The following FAM171A1 variants were observed in gnomAD, a reference collection of about 807,000 sequenced individuals.
FAM171A1 encodes the protein protein FAM171A1.
In FAM171A1, 23 loss-of-function variants were observed where a neutral mutation model predicts 74.9. The observed-to-expected ratio is 0.31, with a 90% CI of 0.22 to 0.44. FAM171A1 has a LOEUF of 0.44. FAM171A1 is among the 20% of genes least tolerant of loss of function. FAM171A1 has a pLI of 1.00. For synonymous variants in FAM171A1, 527 were observed against 505.7 expected, an observed-to-expected ratio of 1.04 and a Z score of -0.57; for missense variants, 1,162 against 1,159.2, an observed-to-expected ratio of 1.00 and a Z score of -0.03.
chr10:15,355,343 G>A (rs930070473), intron 1 of FAM171A1, among the ~76,000 whole-genome samples: 2 of 152,180 alleles, frequency 1.3e-5, no homozygotes, highest in African/African-American at 4.8e-5. Context: ...CCAAGGTATT[G>A]GGACTACAGG....
At chr10:15,242,928 G>A (rs1160903730) in intron 5 of FAM171A1, among the ~76,000 whole-genome samples, 1 of 152,160 alleles carries the variant, frequency 6.6e-6, no homozygotes, top group Non-Finnish European at 1.5e-5. Context: ...ACACACCTCT[G>A]TTTTCACCAA....
intron 1 of FAM171A1, among the ~76,000 whole-genome samples, chr10:15,339,261 A>C (rs1190134715): frequency 6.6e-6 from 1 of 152,232 alleles, no homozygotes; most frequent in Non-Finnish European, 1.5e-5. Context: ...TTAGTGAACC[A>C]ATATGGATGT....
intron 3 of FAM171A1, among the ~76,000 whole-genome samples, chr10:15,262,217 A>G (rs1233011585): frequency 6.6e-6 from 1 of 152,182 alleles, no homozygotes; most frequent in Non-Finnish European, 1.5e-5. Context: ...TTTTTGCCCA[A>G]TTCTGACAGC....
chr10:15,254,628 A>T, intron 4 of FAM171A1, 93 bp downstream of exon 4: 1 of 1,400,118 alleles, frequency 7.1e-7, no homozygotes, highest in Non-Finnish European at 9.8e-7. Context: ...CCTTTCTCCC[A>T]CATAGTGCTA....
At chr10:15,327,036 C>G (rs953395942) in intron 1 of FAM171A1, among the ~76,000 whole-genome samples, 1 of 152,184 alleles carries the variant, frequency 6.6e-6, no homozygotes, top group African/African-American at 2.4e-5. Context: ...TCTTTCCTCC[C>G]TCAAGTACTG....
intron 1 of FAM171A1, among the ~76,000 whole-genome samples, chr10:15,287,311 C>T (rs1835048592): frequency 6.6e-6 from 1 of 151,324 alleles, no homozygotes; most frequent in Admixed American, 6.6e-5. Flanking sequence ...CCAGGATGGT[C>T]TCCATCTCCT....
chr10:15,284,704 C>T (rs777115528), intron 1 of FAM171A1, among the ~76,000 whole-genome samples: 4 of 152,148 alleles, frequency 2.6e-5, no homozygotes, highest in Non-Finnish European at 4.4e-5. Flanking sequence ...TGTGCCCCAC[C>T]GTGCCCAGAC....
intron 1 of FAM171A1, among the ~76,000 whole-genome samples, chr10:15,315,099 T>C (rs1588549378): frequency 2.0e-5 from 3 of 152,246 alleles, no homozygotes; most frequent in Admixed American, 6.5e-5. Flanking sequence ...AGTCCATCCA[T>C]TTTAATGAAG....
chr10:15,237,001 G>C (rs1208073266), intron 5 of FAM171A1, among the ~76,000 whole-genome samples: 2 of 152,208 alleles, frequency 1.3e-5, no homozygotes, highest in Non-Finnish European at 2.9e-5. Flanking sequence ...GCTGAGGCAG[G>C]AGAACCGCTT....
chr10:15,295,843 C>CTA (rs1835155262), intron 1 of FAM171A1, among the ~76,000 whole-genome samples: 1 of 152,230 alleles, frequency 6.6e-6, no homozygotes, highest in East Asian at 1.9e-4. Flanking sequence ...CTCTCCTTAG[C>CTA]ACCATGATTA....
intron 2 of FAM171A1, among the ~76,000 whole-genome samples, chr10:15,278,604 G>A (rs547319281): frequency 2.8e-4 from 43 of 152,282 alleles, no homozygotes; most frequent in Middle Eastern, 3.4e-3. Context: ...GTGCTACAAC[G>A]TGGATGAATC....
chr10:15,257,650 C>T (rs1203992966), intron 3 of FAM171A1, among the ~76,000 whole-genome samples: 1 of 151,980 alleles, frequency 6.6e-6, no homozygotes, highest in Non-Finnish European at 1.5e-5. Flanking sequence ...AAGGATATGG[C>T]CGGTGCAGCT....
At chr10:15,363,322 AG>A (rs1034871016) in intron 1 of FAM171A1, among the ~76,000 whole-genome samples, 2 of 152,226 alleles carry the variant, frequency 1.3e-5, no homozygotes, top group African/African-American at 4.8e-5. Context: ...AACATGGAAG[AG>A]GGTTTTGAGT....
upstream of FAM171A1, among the ~76,000 whole-genome samples, chr10:15,372,698 C>CAAAAAAAAAAAAAAAAAAAAAAA (rs59712649): frequency 1.1e-5 from 1 of 88,736 alleles, no homozygotes; most frequent in Non-Finnish European, 2.1e-5. Context: ...GACCCCGTCT[C>CAAAAAAAAAAAAAAAAAAAAAAA]AAAAAAAAAA....
At chr10:15,324,922 G>A (rs753156353) in intron 1 of FAM171A1, among the ~76,000 whole-genome samples, 1 of 152,156 alleles carries the variant, frequency 6.6e-6, no homozygotes, top group Admixed American at 6.6e-5. Flanking sequence ...GCAGTGACTC[G>A]TTACAGCCAG....
intron 3 of FAM171A1, among the ~76,000 whole-genome samples, chr10:15,272,006 T>C (rs1427280674): frequency 2.0e-5 from 3 of 152,172 alleles, no homozygotes; most frequent in Admixed American, 6.5e-5. Context: ...GCTAACATCA[T>C]AATGACAGGA....
upstream of FAM171A1, among the ~76,000 whole-genome samples, chr10:15,372,644 A>G (rs1303896406): frequency 7.1e-6 from 1 of 140,598 alleles, no homozygotes; most frequent in Non-Finnish European, 1.5e-5. Context: ...GGTTGCAGTG[A>G]GCCAAGATCG....
chr10:15,325,537 T>A (rs1223257292), intron 1 of FAM171A1, among the ~76,000 whole-genome samples: 2 of 152,102 alleles, frequency 1.3e-5, no homozygotes, highest in African/African-American at 4.8e-5. Flanking sequence ...ACTCCATCTT[T>A]TCTTTGCTTC....
intron 5 of FAM171A1, among the ~76,000 whole-genome samples, chr10:15,248,021 C>T (rs977004057): frequency 1.3e-5 from 2 of 152,170 alleles, no homozygotes; most frequent in East Asian, 1.9e-4. Context: ...CTGAGCCCTA[C>T]CACCCAGCTC....
Sources: gnomAD v4.1 joint callset for allele counts (sites outside exome capture counted in the v4.1 genomes callset) on GRCh38, gnomAD v4.1.1 for gene constraint, MANE v1.5 for transcripts, NCBI Gene and HGNC (gene_info 2026-07-23, HGNC 2026-07-21) for gene names.